The following ERBB4 variants were observed in gnomAD, a reference collection of about 807,000 sequenced individuals.
ERBB4 encodes receptor tyrosine-protein kinase erbB-4.
In ERBB4, 42 loss-of-function variants were observed where a neutral mutation model predicts 158.0. The ratio of observed to expected loss-of-function variants is 0.27; its 90% confidence interval spans 0.21 to 0.34. The LOEUF (loss-of-function observed/expected upper bound fraction) is 0.34. Among genes scored for constraint, ERBB4 ranks in the 10% least tolerant of loss-of-function variants. The probability of loss-of-function intolerance (pLI) is 1.00; values close to 1 mark genes in which losing one functional copy is unlikely to be tolerated. For missense variants in ERBB4, 1,333 were observed against 1,624.1 expected (o/e 0.82, Z 3.08); for synonymous variants, 583 against 558.7 (o/e 1.04, Z -0.61).
chr2:211,752,008 G>A (rs957574512), intron 4 of ERBB4, among the ~76,000 whole-genome samples: 11 of 152,112 alleles, frequency 7.2e-5, no homozygotes, highest in Admixed American at 1.3e-4. Flanking sequence ...AAGTATTGCC[G>A]CTGACATCAC....
chr2:211,533,665 G>T (rs72939497), intron 20 of ERBB4, among the ~76,000 whole-genome samples: 1 of 151,844 alleles, frequency 6.6e-6, no homozygotes, highest in Non-Finnish European at 1.5e-5. Flanking sequence ...TTTCAGATGA[G>T]ATTAAAGTAC....
intron 20 of ERBB4, among the ~76,000 whole-genome samples, chr2:211,510,885 G>C (rs1283634281): frequency 6.6e-6 from 1 of 151,830 alleles, no homozygotes; most frequent in African/African-American, 2.4e-5. Context: ...TTTAGACATT[G>C]CTAGAGTATA....
intron 3 of ERBB4, among the ~76,000 whole-genome samples, chr2:211,801,075 C>T (rs576718205): frequency 3.9e-5 from 6 of 152,024 alleles, no homozygotes; most frequent in Admixed American, 2.0e-4. Context: ...TTCTTCTAAC[C>T]GAATTCCATT....
intron 16 of ERBB4, among the ~76,000 whole-genome samples, chr2:211,639,762 C>T (rs556590992): frequency 6.6e-6 from 1 of 152,138 alleles, no homozygotes; most frequent in South Asian, 2.1e-4. Context: ...TACTCTGTTC[C>T]CCAGGCAGGA....
chr2:211,546,231 T>C (rs2066936135), intron 20 of ERBB4, among the ~76,000 whole-genome samples: 1 of 152,116 alleles, frequency 6.6e-6, no homozygotes, highest in African/African-American at 2.4e-5. Context: ...GAATTGTGGC[T>C]ACATAGAATG....
At chr2:211,442,365 A>G (rs952775130) in intron 20 of ERBB4, among the ~76,000 whole-genome samples, 9 of 142,692 alleles carry the variant, frequency 6.3e-5, no homozygotes, top group African/African-American at 1.1e-4. Context: ...ATAATGTCCA[A>G]CTTTATCTAT....
At chr2:211,877,054 G>A (rs912773840) in intron 3 of ERBB4, among the ~76,000 whole-genome samples, 16 of 152,106 alleles carry the variant, frequency 1.1e-4, no homozygotes, top group Non-Finnish European at 1.3e-4. Context: ...CTTTCTATAT[G>A]CATTAGCCTT....
chr2:211,734,684 G>T (rs983621782), intron 5 of ERBB4, among the ~76,000 whole-genome samples: 4 of 148,988 alleles, frequency 2.7e-5, no homozygotes, highest in Non-Finnish European at 3.0e-5. Flanking sequence ...ACTTTGGAAG[G>T]CCAAGGCGGG....
At chr2:211,937,210 C>T (rs1156751242) in intron 3 of ERBB4, among the ~76,000 whole-genome samples, 1 of 151,734 alleles carries the variant, frequency 6.6e-6, no homozygotes, top group East Asian at 1.9e-4. Flanking sequence ...CAGTTTGTTT[C>T]CTACAATTGA....
At chr2:212,073,208 G>A (rs899103694) in intron 2 of ERBB4, among the ~76,000 whole-genome samples, 4 of 151,920 alleles carry the variant, frequency 2.6e-5, no homozygotes, top group South Asian at 2.1e-4. Flanking sequence ...TGTAGATCAC[G>A]TTCAAGTCTA....
intron 1 of ERBB4, among the ~76,000 whole-genome samples, chr2:212,161,067 T>C (rs916909537): frequency 6.6e-6 from 1 of 151,958 alleles, no homozygotes; most frequent in Admixed American, 6.6e-5. Flanking sequence ...AAATATGTCA[T>C]CTCCACAAGC....
At chr2:211,847,828 T>A (rs2077627142) in intron 3 of ERBB4, among the ~76,000 whole-genome samples, 1 of 152,138 alleles carries the variant, frequency 6.6e-6, no homozygotes, top group Non-Finnish European at 1.5e-5. Context: ...ACTAACTGAT[T>A]AAATTTTCAT....
chr2:211,607,000 G>T (rs1371622345), intron 19 of ERBB4, among the ~76,000 whole-genome samples: 1 of 151,940 alleles, frequency 6.6e-6, no homozygotes, highest in Non-Finnish European at 1.5e-5. Context: ...TTAATTTACT[G>T]GTCAGATTTA....
chr2:211,577,989 G>C (rs1056557177), intron 19 of ERBB4, among the ~76,000 whole-genome samples: 1 of 151,966 alleles, frequency 6.6e-6, no homozygotes, highest in Non-Finnish European at 1.5e-5. Context: ...AGAAATACGG[G>C]GTATTCAAAT....
At chr2:211,773,619 TATATATATATA>T (rs1450153698) in intron 4 of ERBB4, among the ~76,000 whole-genome samples, 1,079 of 58,020 alleles carry the variant, frequency 0.019, 46 homozygotes, top group African/African-American at 0.089. Context: ...TATATATATA[TATATATATATA>T]TATATATATA....
At chr2:212,018,017 A>T (rs541009277) in intron 2 of ERBB4, among the ~76,000 whole-genome samples, 7 of 152,332 alleles carry the variant, frequency 4.6e-5, no homozygotes, top group Non-Finnish European at 8.8e-5. Flanking sequence ...TACTTAGCTT[A>T]AATGCAGAGT....
At chr2:211,884,489 T>G (rs1038996204) in intron 3 of ERBB4, among the ~76,000 whole-genome samples, 1 of 152,168 alleles carries the variant, frequency 6.6e-6, no homozygotes, top group Middle Eastern at 3.2e-3. Flanking sequence ...TGTTCTTTTG[T>G]TCAAGCTAAG....
chr2:212,059,635 A>G (rs1022058631), intron 2 of ERBB4, among the ~76,000 whole-genome samples: 3 of 152,148 alleles, frequency 2.0e-5, no homozygotes, highest in East Asian at 1.9e-4. Context: ...CAGAAATAAT[A>G]CCACACATCT....
rs869198767 is a variant in ERBB4 at position 212,099,181 on chromosome 2, AAAT to A, written c.234+25568_234+25570del. Among the ~76,000 whole-genome samples the A allele has an allele frequency of 5.3e-3, 783 of 147,162 alleles. 3 individuals carry two copies. Among genetic ancestry groups the A allele is most frequent in the Middle Eastern group, 0.022 (6 of 276 alleles). On this transcript the variant is annotated intron_variant, in intron 2 of 27. Transcript: ENST00000342788. The stretch of plus-strand genomic sequence containing the variant: ...TAAATAAATAAATAAATAAATAAAT[AAAT>A]AATAAATAATAAAAATAAATCATGC...
Sources: allele counts gnomAD v4.1 joint callset (sites outside exome capture counted in the v4.1 genomes callset), GRCh38; gene constraint gnomAD v4.1.1; transcripts MANE v1.5; gene names NCBI Gene and HGNC (gene_info 2026-07-23, HGNC 2026-07-21).